The following DOCK7 variants were observed in gnomAD, a reference collection of about 807,000 sequenced individuals.
DOCK7 encodes the protein dedicator of cytokinesis 7.
A neutral mutation model predicts 271.0 loss-of-function variants in DOCK7; 138 were observed. The observed-to-expected ratio is 0.51, with a 90% CI of 0.44 to 0.59. The LOEUF (loss-of-function observed/expected upper bound fraction) is 0.59, where lower values mean the gene tolerates loss of function less well. Among genes scored for constraint, DOCK7 ranks in the 20% least tolerant of loss-of-function variants. The probability of loss-of-function intolerance (pLI) is 0.00; values close to 1 mark genes in which losing one functional copy is unlikely to be tolerated. For missense variants in DOCK7, 2,066 were observed against 2,592.4 expected (o/e 0.80, Z 4.41); for synonymous variants, 823 against 876.1 (o/e 0.94, Z 1.07).
chr1:62,633,439 G>GTA, intron 10 of DOCK7, 59 bp downstream of exon 10: 1 of 1,248,430 alleles, frequency 8.0e-7, no homozygotes, highest in Non-Finnish European at 1.2e-6. Context: ...TGGGAGAATA[G>GTA]TATTCTCCCA....
Position 62,455,451 on chromosome 1 carries a change from G to C in DOCK7, c.6386C>G (p.Ser2129Cys), listed in dbSNP as rs1391061575. 6 of 1,613,370 alleles carry C rather than the reference G, an allele frequency of 3.7e-6. No homozygotes were observed. The highest frequency in any genetic ancestry group is 5.1e-6 in the Non-Finnish European group (6 of 1,179,750). ...AVLPVTCHRD[S>C]FSRMSLRKMD... ...TTTGCGAAGGCTCATTCGACTGAAGGAATCTCTGGGAAAAAAATGAGAGGA... is the reference window on the plus strand; with the variant it reads ...TTTGCGAAGGCTCATTCGACTGAAGCAATCTCTGGGAAAAAAATGAGAGGA... The change falls in exon 50 of 50, where the codon TCC becomes TGC. Residue 2129 changes from serine to cysteine, a missense_variant. Coordinates refer to ENST00000635253, the MANE Select transcript of DOCK7 (RefSeq NM_001367561.1).
At chr1:62,684,064 AT>A (rs1030055710) in intron 1 of DOCK7, among the ~76,000 whole-genome samples, 64 of 152,256 alleles carry the variant, frequency 4.2e-4, no homozygotes, top group Middle Eastern at 6.8e-3. Flanking sequence ...ACATGGTGAA[AT>A]CCCGTCACTA....
chr1:62,564,312 T>C (rs1646437691), intron 18 of DOCK7, among the ~76,000 whole-genome samples: 1 of 152,054 alleles, frequency 6.6e-6, no homozygotes, highest in African/African-American at 2.4e-5. Flanking sequence ...ACCACATAAT[T>C]TGAAGTAAAA....
chr1:62,484,580 C>G (rs1646237666), intron 43 of DOCK7: 1 of 152,088 alleles, frequency 6.6e-6, no homozygotes, highest in African/African-American at 2.4e-5. Flanking sequence ...GCCTTGATGC[C>G]TGGGGTGAAG....
intron 14 of DOCK7, among the ~76,000 whole-genome samples, chr1:62,596,396 T>C (rs775267185): frequency 3.9e-5 from 6 of 152,174 alleles, no homozygotes; most frequent in Non-Finnish European, 4.4e-5. Context: ...AAGGATGCTA[T>C]TTTCTCACAA....
chr1:62,474,105 T>C lies in DOCK7; in HGVS notation c.6106-17A>G, dbSNP rs921038032. 5.6e-6 allele frequency: 9 copies of C among 1,596,098 alleles called. No individual in the cohort carries two copies. Among genetic ancestry groups the C allele is most frequent in the African/African-American group, 2.7e-5 (2 of 73,884 alleles). On this transcript the variant is annotated splice_polypyrimidine_tract_variant and intron_variant, in intron 47 of 49. Transcript: ENST00000635253. ...CAAAGGCCCCTGCAAAATAAGAAAA[T>C]AAGAAGTGTGTTTTTTTGTTATCTC...
intron 31 of DOCK7, among the ~76,000 whole-genome samples, chr1:62,526,601 T>A (rs182690302): frequency 1.3e-5 from 2 of 152,112 alleles, no homozygotes; most frequent in African/African-American, 2.4e-5. Context: ...TGAAAACATA[T>A]GTGGACACAG....
At chr1:62,641,635 G>T in intron 7 of DOCK7, 1 of 461,006 alleles carries the variant, frequency 2.2e-6, no homozygotes, top group Non-Finnish European at 4.4e-6. Flanking sequence ...CCACCTTCCA[G>T]CCCAGCAGTA....
At chr1:62,485,298 C>T (rs1477787720) in intron 43 of DOCK7, 2 of 985,154 alleles carry the variant, frequency 2.0e-6, no homozygotes, top group Non-Finnish European at 2.4e-6. Context: ...TATTATTTTG[C>T]ATGGTAAAGA....
intron 8 of DOCK7, 113 bp from the exon 9 acceptor site, chr1:62,635,035 A>C: frequency 1.8e-6 from 1 of 559,880 alleles, no homozygotes; most frequent in Non-Finnish European, 3.0e-6. Flanking sequence ...TGAAACAATA[A>C]TCTGTTTTCA....
intron 43 of DOCK7, chr1:62,484,800 C>T (rs1025947939): frequency 6.6e-6 from 1 of 152,086 alleles, no homozygotes; most frequent in African/African-American, 2.4e-5. Flanking sequence ...ATTTCTCTTT[C>T]TGCTAAAAAT....
chr1:62,522,997 T>A (rs543368393), intron 31 of DOCK7, among the ~76,000 whole-genome samples: 1 of 152,132 alleles, frequency 6.6e-6, no homozygotes, highest in Non-Finnish European at 1.5e-5. Context: ...ACAAAAGATA[T>A]GCTAGTCCTC....
rs777060479 is a variant in DOCK7, at chr1:62,475,704, T to TC, written c.5961+2_5961+3insG. 1 of 1,613,174 alleles carries TC rather than the reference T, an allele frequency of 6.2e-7. No individual in the cohort carries two copies. On this transcript the variant is annotated splice_region_variant and intron_variant, in intron 46 of 49. Transcript: ENST00000635253. ...AATGCTGTTTGCCCATTAATGGACT[T>TC]ACCTCTTCTTTATGAGTGACATTGA...
chr1:62,679,741 G>C (rs1049862737), intron 1 of DOCK7, among the ~76,000 whole-genome samples: 1 of 152,114 alleles, frequency 6.6e-6, no homozygotes, highest in Admixed American at 6.6e-5. Flanking sequence ...AATAAACATT[G>C]CTGTAGCAAT....
At chr1:62,484,159 C>A (rs1479686927) in intron 43 of DOCK7, 1 of 152,010 alleles carries the variant, frequency 6.6e-6, no homozygotes, top group African/African-American at 2.4e-5. Flanking sequence ...CATATAAAAA[C>A]CAAAATACTG....
At chr1:62,563,836 T>A (rs1646415979) in intron 18 of DOCK7, among the ~76,000 whole-genome samples, 3 of 70,660 alleles carry the variant, frequency 4.2e-5, no homozygotes, top group Non-Finnish European at 7.5e-5. Flanking sequence ...AGGCTCAAAA[T>A]AAAGGGATGG....
chr1:62,531,741 T>C (rs964614772), intron 29 of DOCK7, among the ~76,000 whole-genome samples: 2 of 152,232 alleles, frequency 1.3e-5, no homozygotes, highest in Non-Finnish European at 2.9e-5. Context: ...TCCAAGACAA[T>C]GCTGCATATA....
intron 48 of DOCK7, among the ~76,000 whole-genome samples, chr1:62,465,008 C>T (rs1645635216): frequency 6.6e-6 from 1 of 152,046 alleles, no homozygotes; most frequent in Non-Finnish European, 1.5e-5. Context: ...AAAACTTACC[C>T]ACATAAACAC....
intron 11 of DOCK7, chr1:62,629,373 C>T (rs1379543115): frequency 6.6e-6 from 1 of 152,040 alleles, no homozygotes; most frequent in African/African-American, 2.4e-5. Flanking sequence ...TATAGTATAT[C>T]AATACAACAG....
Sources: gnomAD v4.1 joint callset for allele counts (sites outside exome capture counted in the v4.1 genomes callset) on GRCh38, gnomAD v4.1.1 for gene constraint, MANE v1.5 for transcripts, NCBI Gene and HGNC (gene_info 2026-07-23, HGNC 2026-07-21) for gene names.